Variants in EML1 observed in about 807,000 individuals in gnomAD.
EML1 encodes echinoderm microtubule-associated protein-like 1.
A neutral mutation model predicts 110.4 loss-of-function variants in EML1; 27 were observed. The ratio of observed to expected loss-of-function variants is 0.24; its 90% CI spans 0.18 to 0.34. The LOEUF is 0.34. Ranked by LOEUF, EML1 falls within the 10% of genes least tolerant of loss-of-function variation. The probability of loss-of-function intolerance (pLI) is 1.00; values close to 1 mark genes in which losing one functional copy is unlikely to be tolerated. For missense variants in EML1, 741 were observed against 1,030.9 expected (o/e 0.72, Z 3.85); for synonymous variants, 344 against 385.8 (o/e 0.89, Z 1.27).
chr14:99,810,497 C>G (rs2058056736), intron 1 of EML1, among the ~76,000 whole-genome samples: 1 of 152,200 alleles, frequency 6.6e-6, no homozygotes, highest in Non-Finnish European at 1.5e-5. Context: ...AAACTGAGGG[C>G]TAAATAGCTT....
intron 1 of EML1, among the ~76,000 whole-genome samples, chr14:99,759,711 C>T (rs2057293583): frequency 6.6e-6 from 1 of 152,212 alleles, no homozygotes; most frequent in Non-Finnish European, 1.5e-5. Flanking sequence ...AAGCTCAGTT[C>T]CTGTCTCCAG....
intron 1 of EML1, chr14:99,809,528 C>T (rs908635035): frequency 2.4e-6 from 1 of 411,198 alleles, no homozygotes; most frequent in African/African-American, 2.0e-5. Context: ...TGGTCGGCAC[C>T]CTGGGAACCT....
chr14:99,811,129 G>A (rs567157965), intron 1 of EML1, among the ~76,000 whole-genome samples: 1 of 148,212 alleles, frequency 6.7e-6, no homozygotes, highest in South Asian at 2.1e-4. Context: ...AGGGGGTGCT[G>A]AGCCCTAGCA....
At chr14:99,852,383 G>A (rs369394130) in intron 2 of EML1, among the ~76,000 whole-genome samples, 2 of 152,224 alleles carry the variant, frequency 1.3e-5, no homozygotes, top group African/African-American at 4.8e-5. Flanking sequence ...GGAAGGCTGA[G>A]GCGGTCAGAT....
rs1482310726 is a variant in EML1 at position 99,897,160 on chromosome 14, T to C, written c.693T>C (p.Gly231=). ...ATCCACAAAGCTATGGGTACAGGGG[T>C]CGAGACTGCCGTAACAACCTGTACT... The part of the protein sequence containing the change: ...LKLEWVYGYR[G]RDCRNNLYLL... The change falls in exon 7 of 22, where the codon GGT becomes GGC. Residue 231 remains glycine, a synonymous_variant. Transcript: ENST00000262233. The C allele has an allele frequency of 3.7e-6, 6 of 1,608,582 alleles. No homozygotes were observed. Among genetic ancestry groups the C allele is most frequent in the Non-Finnish European group, 5.1e-6 (6 of 1,177,616 alleles).
chr14:99,783,734 C>T (rs899199030), intron 1 of EML1, among the ~76,000 whole-genome samples: 5 of 152,192 alleles, frequency 3.3e-5, no homozygotes, highest in Admixed American at 3.3e-4. Context: ...CTGCCCTCCT[C>T]GGCCTCCCAA....
chr14:99,795,797 C>G (rs1368227681), intron 1 of EML1, among the ~76,000 whole-genome samples: 2 of 152,152 alleles, frequency 1.3e-5, no homozygotes, highest in Non-Finnish European at 2.9e-5. Flanking sequence ...CATACATTTT[C>G]ATATGTTCAG....
intron 19 of EML1, among the ~76,000 whole-genome samples, chr14:99,937,096 G>A (rs796858070): frequency 3.3e-5 from 5 of 152,308 alleles, no homozygotes; most frequent in African/African-American, 1.2e-4. Flanking sequence ...GGCCCCAAGA[G>A]CCCACGGGGG....
intron 1 of EML1, among the ~76,000 whole-genome samples, chr14:99,824,748 T>C (rs771059354): frequency 6.6e-6 from 1 of 151,926 alleles, no homozygotes; most frequent in Non-Finnish European, 1.5e-5. Flanking sequence ...GTGAGCACAA[T>C]AGGCGATTTT....
At chr14:99,868,326 A>T (rs1443482861) in intron 3 of EML1, among the ~76,000 whole-genome samples, 1 of 152,172 alleles carries the variant, frequency 6.6e-6, no homozygotes, top group African/African-American at 2.4e-5. Context: ...TGCTGGCCTC[A>T]TGCAATGATT....
At chr14:99,776,982 T>C (rs1307519255) in intron 1 of EML1, among the ~76,000 whole-genome samples, 1 of 152,042 alleles carries the variant, frequency 6.6e-6, no homozygotes, top group Non-Finnish European at 1.5e-5. Context: ...CCACGCAAAA[T>C]AAAGTAAAAG....
At chr14:99,770,402 T>TCTATCTATCTAC (rs1306841330), upstream of EML1, among the ~76,000 whole-genome samples, 16 of 151,844 alleles carry the variant, frequency 1.1e-4, no homozygotes, top group African/African-American at 3.9e-4. Flanking sequence ...TATCTATCTA[T>TCTATCTATCTAC]CTATCTTTTT....
At chr14:99,894,062 A>G (rs1451148159) in intron 5 of EML1, among the ~76,000 whole-genome samples, 2 of 151,666 alleles carry the variant, frequency 1.3e-5, no homozygotes, top group Non-Finnish European at 2.9e-5. Context: ...CCATTTCTAG[A>G]TTTTCTTTGA....
upstream of EML1, among the ~76,000 whole-genome samples, chr14:99,791,723 G>A (rs2057675711): frequency 6.6e-6 from 1 of 152,184 alleles, no homozygotes; most frequent in Admixed American, 6.5e-5. Flanking sequence ...CCAGTCGGCA[G>A]GCAGACCCAG....
intron 17 of EML1, among the ~76,000 whole-genome samples, chr14:99,928,482 G>C (rs1386360724): frequency 1.3e-5 from 2 of 151,998 alleles, no homozygotes; most frequent in Non-Finnish European, 2.9e-5. Flanking sequence ...GAAGGGAGGA[G>C]ATCACAATAT....
rs553479222 is a variant in EML1 at position 99,923,648 on chromosome 14, C to T, written c.1909+2771C>T. Among the ~76,000 whole-genome samples, 5 of 52,012 alleles carry T rather than the reference C, an allele frequency of 9.6e-5. No individual in the cohort carries two copies. In the South Asian group the frequency reaches 1.6e-3, roughly 16 times the overall value. 34.1% of individuals were successfully genotyped at this position (52,012 alleles called of 152,430 possible). A position where few individuals can be genotyped will look rare whatever the true frequency, so the allele number is the denominator to read the frequency against. ...CGGATACTCAGTTCTGCCCCCTTCA[C>T]CTGTGTTTATCCCCGATTACTGTGA... On this transcript the variant is annotated intron_variant, in intron 17 of 21. Coordinates refer to ENST00000262233, the MANE Select transcript of EML1 (RefSeq NM_004434.3).
chr14:99,742,042 C>T (rs139817429), intron 1 of EML1, among the ~76,000 whole-genome samples: 248 of 152,294 alleles, frequency 1.6e-3, no homozygotes, highest in African/African-American at 5.7e-3. Context: ...TGTGTGACCT[C>T]AGAGAGGTTA....
At chr14:99,859,408 G>A (rs2058961817) in intron 2 of EML1, among the ~76,000 whole-genome samples, 2 of 152,146 alleles carry the variant, frequency 1.3e-5, no homozygotes, top group Admixed American at 1.3e-4. Flanking sequence ...TCTCAGAGAG[G>A]CCAACTCATT....
chr14:99,766,846 A>T (rs1472931808), intron 1 of EML1, among the ~76,000 whole-genome samples: 1 of 152,184 alleles, frequency 6.6e-6, no homozygotes, highest in Non-Finnish European at 1.5e-5. Context: ...TGTAAGAAAA[A>T]TGTTTGCATG....
Sources: gnomAD v4.1 joint callset for allele counts (sites outside exome capture counted in the v4.1 genomes callset) on GRCh38, gnomAD v4.1.1 for gene constraint, MANE v1.5 for transcripts, NCBI Gene and HGNC (gene_info 2026-07-23, HGNC 2026-07-21) for gene names.